ATRNL1: variants seen among roughly 807,000 people sequenced by gnomAD.
ATRNL1 encodes attractin like 1.
Under a neutral mutation model 182.7 loss-of-function variants are expected in ATRNL1, and 95 were observed. That is an observed-to-expected ratio of 0.52 (90% CI 0.44 to 0.62). ATRNL1 has a LOEUF of 0.62. Among genes scored for constraint, ATRNL1 ranks in the 20% least tolerant of loss-of-function variants. The probability of loss-of-function intolerance (pLI) is 0.00; values close to 1 mark genes in which losing one functional copy is unlikely to be tolerated. For missense variants in ATRNL1, 1,471 were observed against 1,679.5 expected (o/e 0.88, Z 2.17); for synonymous variants, 576 against 568.3 (o/e 1.01, Z -0.19).
intron 21 of ATRNL1, among the ~76,000 whole-genome samples, chr10:115,450,911 C>T (rs988859694): frequency 1.3e-5 from 2 of 152,132 alleles, no homozygotes; most frequent in Non-Finnish European, 2.9e-5. Context: ...CAGCATGATA[C>T]TGGTACAAAA....
intron 26 of ATRNL1, among the ~76,000 whole-genome samples, chr10:115,606,756 C>T (rs1345210027): frequency 2.0e-5 from 3 of 151,970 alleles, no homozygotes; most frequent in African/African-American, 7.2e-5. Context: ...TAAACAAATG[C>T]ACCCACCATT....
intron 26 of ATRNL1, among the ~76,000 whole-genome samples, chr10:115,569,983 G>A (rs993308430): frequency 6.6e-6 from 1 of 152,100 alleles, no homozygotes; most frequent in Non-Finnish European, 1.5e-5. Flanking sequence ...TCTTCACATG[G>A]TGAAAGGAGC....
intron 18 of ATRNL1, among the ~76,000 whole-genome samples, chr10:115,320,090 G>A (rs1415285088): frequency 6.6e-6 from 1 of 151,394 alleles, no homozygotes; most frequent in Non-Finnish European, 1.5e-5. Flanking sequence ...CAGGCCTGGT[G>A]GTAACAAAAT....
At chr10:115,626,634 T>C (rs1858118907) in intron 26 of ATRNL1, among the ~76,000 whole-genome samples, 1 of 152,216 alleles carries the variant, frequency 6.6e-6, no homozygotes, top group South Asian at 2.1e-4. Context: ...TTATTCAAAT[T>C]TGATACTAGC....
At chr10:115,500,920 CTTT>C (rs71010023) in intron 24 of ATRNL1, among the ~76,000 whole-genome samples, 11 of 54,464 alleles carry the variant, frequency 2.0e-4, no homozygotes, top group Admixed American at 1.4e-3. Flanking sequence ...TCAGGTAAGA[CTTT>C]TTTTTTTTTT....
At chr10:115,793,045 A>G (rs1250505472) in intron 27 of ATRNL1, among the ~76,000 whole-genome samples, 1 of 152,048 alleles carries the variant, frequency 6.6e-6, no homozygotes, top group Admixed American at 6.6e-5. Context: ...AACTTTAAGG[A>G]GATGCTTTAA....
In ATRNL1 at chr10:115,815,469, T is replaced by C. The variant is rs868932186; in HGVS notation, c.3904-32408T>C. 7.6e-5 allele frequency among the ~76,000 whole-genome samples: 7 copies of C among 92,440 alleles called. No individual in the cohort carries two copies. In the East Asian group the frequency reaches 1.0e-3, roughly 14 times the overall value. The allele number at this position is 92,440 out of a possible 152,430, so 60.6% of individuals were successfully genotyped here. On this transcript the variant is annotated intron_variant, in intron 27 of 28. Transcript: ENST00000355044. The stretch of plus-strand genomic sequence containing the variant: ...TGTGTGTGTATTGTAATATAGAATA[T>C]GCTAAATTCATAAGTTTCCACTTGT...
At position 115,103,040 on chromosome 10, in the gene ATRNL1, G is replaced by GTTT. The variant is rs33951113; in HGVS notation, c.293+9010_293+9012dup. On this transcript the variant is annotated intron_variant, in intron 1 of 28. Transcript: ENST00000355044. ...CAGATTCTGTGTATATATTTTTAGTGTTTTTTTTTTTTTTTGAGATGGAGT... is the reference window on the plus strand; with the variant it reads ...CAGATTCTGTGTATATATTTTTAGTGTTTTTTTTTTTTTTTTTTGAGATGGAGT... Among the ~76,000 whole-genome samples the GTTT allele has an allele frequency of 1.4e-3, 180 of 130,314 alleles. 3 individuals carry two copies. Among genetic ancestry groups the GTTT allele is most frequent in the African/African-American group, 4.1e-3 (142 of 34,630 alleles). 85.5% of individuals were successfully genotyped at this position (130,314 alleles called of 152,430 possible).
chr10:115,099,768 TA>T (rs1416231109), intron 1 of ATRNL1, among the ~76,000 whole-genome samples: 1 of 152,180 alleles, frequency 6.6e-6, no homozygotes, highest in African/African-American at 2.4e-5. Flanking sequence ...TTTTGCATGT[TA>T]AAAAAATTTT....
At chr10:115,754,130 C>T (rs1323753735) in intron 27 of ATRNL1, among the ~76,000 whole-genome samples, 1 of 152,196 alleles carries the variant, frequency 6.6e-6, no homozygotes, top group African/African-American at 2.4e-5. Flanking sequence ...GTTGCCTGCT[C>T]ACTCTGATGA....
rs572991265 is a variant in ATRNL1 at position 115,309,729 on chromosome 10, G to C, written c.2819-5789G>C. On this transcript the variant is annotated intron_variant, in intron 17 of 28. Coordinates refer to ENST00000355044, the MANE Select transcript of ATRNL1 (RefSeq NM_207303.4). ...ATATCAAAGTCTTTAGGGTTTTCTA[G>C]GTATACAGTATAAAATCACTTCATA... Among the ~76,000 whole-genome samples the C allele has an allele frequency of 6.6e-4, 100 of 151,710 alleles. 1 individual carries two copies. The highest frequency in any genetic ancestry group is 1.2e-3 in the Admixed American group (18 of 15,224).
chr10:115,782,141 A>G (rs1949280753), intron 27 of ATRNL1, among the ~76,000 whole-genome samples: 1 of 152,198 alleles, frequency 6.6e-6, no homozygotes, highest in Non-Finnish European at 1.5e-5. Flanking sequence ...ACTCAGATAA[A>G]GTGGTATGTA....
intron 26 of ATRNL1, among the ~76,000 whole-genome samples, chr10:115,560,179 C>A (rs1217065191): frequency 6.6e-6 from 1 of 152,052 alleles, no homozygotes; most frequent in South Asian, 2.1e-4. Flanking sequence ...TTAACAAAAG[C>A]AGTAGAAAAC....
intron 10 of ATRNL1, among the ~76,000 whole-genome samples, chr10:115,261,672 T>C (rs1244801699): frequency 1.3e-5 from 2 of 152,126 alleles, no homozygotes; most frequent in Non-Finnish European, 2.9e-5. Context: ...AGAATAAAAA[T>C]GTAGTATGCT....
intron 19 of ATRNL1, among the ~76,000 whole-genome samples, chr10:115,351,742 G>GTGTTTTGTTTTGTTTTT (rs1856261775): frequency 6.7e-6 from 1 of 149,742 alleles, no homozygotes; most frequent in Admixed American, 6.7e-5. Context: ...TTCTTTTCTT[G>GTGTTTTGTTTTGTTTTT]TGTTTTGTTT....
intron 26 of ATRNL1, among the ~76,000 whole-genome samples, chr10:115,617,361 T>C (rs1186305182): frequency 8.7e-6 from 1 of 114,898 alleles, no homozygotes; most frequent in South Asian, 3.6e-4. Flanking sequence ...TGGTTTTTTT[T>C]TGTTTTTTGT....
chr10:115,168,455 T>C (rs1554884809), intron 7 of ATRNL1, among the ~76,000 whole-genome samples: 1 of 152,152 alleles, frequency 6.6e-6, no homozygotes, highest in African/African-American at 2.4e-5. Flanking sequence ...TTTCTATTTC[T>C]ATACATCCTT....
chr10:115,390,135 C>T (rs576587932), intron 19 of ATRNL1, among the ~76,000 whole-genome samples: 61 of 152,164 alleles, frequency 4.0e-4, no homozygotes, highest in Admixed American at 2.4e-3. Flanking sequence ...TATTTTCTCC[C>T]GGTATGTGGA....
intron 18 of ATRNL1, among the ~76,000 whole-genome samples, chr10:115,327,567 C>A (rs1554933761): frequency 6.8e-6 from 1 of 146,784 alleles, no homozygotes; most frequent in Non-Finnish European, 1.5e-5. Flanking sequence ...ACCATTTGAC[C>A]CAGCCATCCC....
Sources: gnomAD v4.1 joint callset for allele counts (sites outside exome capture counted in the v4.1 genomes callset) on GRCh38, gnomAD v4.1.1 for gene constraint, MANE v1.5 for transcripts, NCBI Gene and HGNC (gene_info 2026-07-23, HGNC 2026-07-21) for gene names.